TRIM33: variants seen among roughly 807,000 people sequenced by gnomAD.
TRIM33 encodes tripartite motif containing 33, also known as E3 ubiquitin-protein ligase TRIM33.
Under a neutral mutation model 125.4 loss-of-function variants are expected in TRIM33, and 20 were observed. The ratio of observed to expected loss-of-function variants is 0.16; its 90% CI spans 0.11 to 0.23. TRIM33 has a LOEUF of 0.23. Among genes scored for constraint, TRIM33 ranks in the 10% least tolerant of loss-of-function variants. The probability of loss-of-function intolerance (pLI) is 1.00; values close to 1 mark genes in which losing one functional copy is unlikely to be tolerated. For synonymous variants in TRIM33, 564 were observed against 513.9 expected (o/e 1.10, Z -1.32); for missense variants, 920 against 1,411.4 (o/e 0.65, Z 5.58).
chr1:114,504,169 T>C (rs572081368), intron 1 of TRIM33, among the ~76,000 whole-genome samples: 3 of 152,030 alleles, frequency 2.0e-5, no homozygotes, highest in South Asian at 4.1e-4. Flanking sequence ...TTTTTTATTT[T>C]TTTTATTTTT....
intron 12 of TRIM33, among the ~76,000 whole-genome samples, chr1:114,409,881 C>T (rs1001540422): frequency 5.3e-5 from 8 of 151,954 alleles, no homozygotes; most frequent in Non-Finnish European, 8.8e-5. Context: ...CAGGTAAAGC[C>T]CTTTTAAGAG....
chr1:114,401,498 A>G, intron 16 of TRIM33, 35 bp from the exon 17 acceptor site: 1 of 1,563,584 alleles, frequency 6.4e-7, no homozygotes, highest in Non-Finnish European at 8.8e-7. Context: ...CACATGAAAT[A>G]TTTTTCTCCT....
chr1:114,457,554 A>G (rs1649700399), intron 4 of TRIM33, among the ~76,000 whole-genome samples: 1 of 152,204 alleles, frequency 6.6e-6, no homozygotes, highest in Non-Finnish European at 1.5e-5. Flanking sequence ...TCCCTATAAA[A>G]TAGAAATAGT....
rs1237088870 is a variant in TRIM33, at chr1:114,397,246, G to A, written c.*402C>T. ...AGGGTTAAAAGTTGTTTTAATAACTGTGCGACCTAGTCCAAAAAGAAAATT... is the reference window on the plus strand; with the variant it reads ...AGGGTTAAAAGTTGTTTTAATAACTATGCGACCTAGTCCAAAAAGAAAATT... On this transcript the variant is annotated 3_prime_UTR_variant, in exon 20 of 20. Coordinates refer to ENST00000358465, the MANE Select transcript of TRIM33 (RefSeq NM_015906.4). 3.8e-6 allele frequency: 1 copy of A among 264,718 alleles called. No homozygotes were observed. Among genetic ancestry groups the A allele is most frequent in the Non-Finnish European group, 7.3e-6 (1 of 137,084 alleles). The allele number at this position is 264,718 out of a possible 1,614,324, so 16.4% of individuals were successfully genotyped here.
chr1:114,434,982 G>T (rs929876639), intron 4 of TRIM33, among the ~76,000 whole-genome samples: 1 of 151,750 alleles, frequency 6.6e-6, no homozygotes, highest in Non-Finnish European at 1.5e-5. Context: ...CTTCAATATG[G>T]CCAAAGAAAA....
chr1:114,462,394 A>G (rs1284191582), intron 4 of TRIM33, among the ~76,000 whole-genome samples: 1 of 152,214 alleles, frequency 6.6e-6, no homozygotes, highest in Non-Finnish European at 1.5e-5. Flanking sequence ...TTTTGGCAAT[A>G]GATTAATAAA....
chr1:114,427,090 T>A, intron 8 of TRIM33, 87 bp downstream of exon 8: 1 of 632,996 alleles, frequency 1.6e-6, no homozygotes, highest in Non-Finnish European at 2.8e-6. Flanking sequence ...TTTATAAAGT[T>A]AAAAATTTTA....
chr1:114,484,043 A>G (rs1464730652), intron 1 of TRIM33, among the ~76,000 whole-genome samples: 2 of 152,220 alleles, frequency 1.3e-5, no homozygotes, highest in East Asian at 3.9e-4. Context: ...CATCTGGGTC[A>G]CTCAAGAAAA....
At chr1:114,494,628 G>C (rs775933418) in intron 1 of TRIM33, among the ~76,000 whole-genome samples, 9 of 152,094 alleles carry the variant, frequency 5.9e-5, no homozygotes, top group Non-Finnish European at 1.3e-4. Flanking sequence ...CAAACCACAG[G>C]GGAAAAGGTA....
At chr1:114,498,474 T>G (rs1652509117) in intron 1 of TRIM33, among the ~76,000 whole-genome samples, 2 of 151,976 alleles carry the variant, frequency 1.3e-5, no homozygotes, top group South Asian at 4.1e-4. Context: ...ATGGTGAAAC[T>G]CGTCTCTACT....
intron 4 of TRIM33, among the ~76,000 whole-genome samples, chr1:114,446,593 T>G (rs1023118657): frequency 1.3e-5 from 2 of 151,966 alleles, no homozygotes; most frequent in Non-Finnish European, 2.9e-5. Flanking sequence ...CAACAGTAGA[T>G]GTAAAATGGA....
At position 114,494,045 on chromosome 1, in the gene TRIM33, G is replaced by A. The variant is rs150372399; in HGVS notation, c.526+16506C>T. The stretch of plus-strand genomic sequence containing the variant: ...TCACCAGGTTGGCCAGGATGGTCTC[G>A]ATCTCCTGACCTCGTGATCTGCCCA... On this transcript the variant is annotated intron_variant, in intron 1 of 19. Coordinates refer to ENST00000358465, the MANE Select transcript of TRIM33 (RefSeq NM_015906.4). Among the ~76,000 whole-genome samples, 451 of 152,072 alleles carry A rather than the reference G, an allele frequency of 3.0e-3. 4 individuals are homozygous for A. The highest frequency in any genetic ancestry group is 0.01 in the African/African-American group (424 of 41,470).
intron 4 of TRIM33, among the ~76,000 whole-genome samples, chr1:114,444,100 C>G (rs1168932591): frequency 6.6e-6 from 1 of 152,124 alleles, no homozygotes; most frequent in East Asian, 1.9e-4. Context: ...TTTATGATAA[C>G]TGGAACAGGG....
intron 4 of TRIM33, among the ~76,000 whole-genome samples, chr1:114,435,539 A>G (rs540119122): frequency 2.0e-5 from 3 of 152,324 alleles, no homozygotes; most frequent in Admixed American, 6.5e-5. Flanking sequence ...AGGAAAGACT[A>G]TGAAATTGTT....
chr1:114,426,525 A>T (rs1227068425), intron 8 of TRIM33, among the ~76,000 whole-genome samples: 36 of 143,200 alleles, frequency 2.5e-4, no homozygotes, highest in African/African-American at 4.6e-4. Context: ...TTTTTTTTAA[A>T]AAAAAAGGGC....
intron 1 of TRIM33, among the ~76,000 whole-genome samples, chr1:114,508,114 C>CA (rs916956043): frequency 7.9e-5 from 12 of 151,630 alleles, no homozygotes; most frequent in South Asian, 4.2e-4. Flanking sequence ...GAGACTGTCT[C>CA]AAAAAAAAAT....
intron 4 of TRIM33, among the ~76,000 whole-genome samples, chr1:114,444,698 C>T (rs1648868415): frequency 6.6e-6 from 1 of 152,196 alleles, no homozygotes; most frequent in South Asian, 2.1e-4. Flanking sequence ...TAAATGCCTA[C>T]AAGAACAATC....
intron 1 of TRIM33, among the ~76,000 whole-genome samples, chr1:114,469,500 T>G (rs1021802416): frequency 6.6e-6 from 1 of 152,180 alleles, no homozygotes; most frequent in Non-Finnish European, 1.5e-5. Context: ...AGATGTGATA[T>G]GGGGTAAGGA....
rs534939356 is a variant in TRIM33, at chr1:114,427,165, A to G, written c.1420+12T>C. 106 of 1,341,738 alleles carry G rather than the reference A, an allele frequency of 7.9e-5. No individual in the cohort carries two copies. In the South Asian group the frequency reaches 1.2e-3, roughly 15 times the overall value. 83.1% of individuals were successfully genotyped at this position (1,341,738 alleles called of 1,614,324 possible). A position where few individuals can be genotyped will look rare whatever the true frequency, so the allele number is the denominator to read the frequency against. ...GTTCCAAGTTATATTCATAAAACTC[A>G]TTATTTCTCACCTAAATTGACTACA... On this transcript the variant is annotated intron_variant, in intron 8 of 19. Coordinates refer to ENST00000358465, the MANE Select transcript of TRIM33 (RefSeq NM_015906.4).
Sources: allele counts gnomAD v4.1 joint callset (sites outside exome capture counted in the v4.1 genomes callset), GRCh38; gene constraint gnomAD v4.1.1; transcripts MANE v1.5; gene names NCBI Gene and HGNC (gene_info 2026-07-23, HGNC 2026-07-21).